The following DCLK2 variants were observed in gnomAD, a reference collection of about 807,000 sequenced individuals.
DCLK2 encodes serine/threonine-protein kinase DCLK2.
In DCLK2, 31 loss-of-function variants were observed where a neutral mutation model predicts 78.4. That is an observed-to-expected ratio of 0.40 (90% CI 0.30 to 0.53). DCLK2 has a LOEUF of 0.53. Among genes scored for constraint, DCLK2 ranks in the 20% least tolerant of loss-of-function variants. The probability of loss-of-function intolerance (pLI) is 0.61; values close to 1 mark genes in which losing one functional copy is unlikely to be tolerated. For synonymous variants in DCLK2, 407 were observed against 374.9 expected, an observed-to-expected ratio of 1.09 and a Z score of -0.99; for missense variants, 872 against 973.7, an observed-to-expected ratio of 0.90 and a Z score of 1.39.
At chr4:150,087,911 C>G (rs538841139) in intron 1 of DCLK2, among the ~76,000 whole-genome samples, 3 of 152,198 alleles carry the variant, frequency 2.0e-5, no homozygotes, top group Non-Finnish European at 4.4e-5. Flanking sequence ...GTTTCTATGA[C>G]CTTCCTTGGA....
chr4:150,143,618 T>G (rs77582731), intron 2 of DCLK2, among the ~76,000 whole-genome samples: 3,463 of 152,326 alleles, frequency 0.023, 49 homozygotes, highest in Admixed American at 0.036. Flanking sequence ...TTTAGTTATT[T>G]GAGATATCTT....
intron 12 of DCLK2, among the ~76,000 whole-genome samples, chr4:150,246,263 T>G (rs547741857): frequency 1.1e-3 from 163 of 152,224 alleles, no homozygotes; most frequent in African/African-American, 3.8e-3. Context: ...GTCAGGCTGG[T>G]CTTGAACTCC....
chr4:150,078,832 G>C lies in DCLK2; in HGVS notation c.-196G>C, dbSNP rs1177739473. 2.0e-5 allele frequency: 12 copies of C among 600,650 alleles called. No individual in the cohort carries two copies. In the African/African-American group the frequency reaches 2.2e-4, roughly 11 times the overall value. 37.2% of individuals were successfully genotyped at this position (600,650 alleles called of 1,614,324 possible). A position where few individuals can be genotyped will look rare whatever the true frequency, so the allele number is the denominator to read the frequency against. On this transcript the variant is annotated 5_prime_UTR_variant, in exon 1 of 16. Transcript: ENST00000296550. ...AATGACCTGGGCAGCTCGGCGCTGCGGACACTTTTAGCTGAGGGCGCGGGC... is the reference window on the plus strand; with the variant it reads ...AATGACCTGGGCAGCTCGGCGCTGCCGACACTTTTAGCTGAGGGCGCGGGC...
chr4:150,221,553 A>G (rs1741190628), intron 6 of DCLK2, 124 bp from the exon 7 acceptor site: 2 of 599,376 alleles, frequency 3.3e-6, no homozygotes, highest in Non-Finnish European at 5.6e-6. Context: ...GTGTGCAGAT[A>G]TTTTATTTAG....
At chr4:150,213,910 C>A (rs1311681523) in intron 5 of DCLK2, among the ~76,000 whole-genome samples, 2 of 152,176 alleles carry the variant, frequency 1.3e-5, no homozygotes, top group South Asian at 2.1e-4. Flanking sequence ...GCTCTGGAGT[C>A]AGCCCTGGGT....
intron 2 of DCLK2, among the ~76,000 whole-genome samples, chr4:150,192,478 C>CAAAA (rs56235708): frequency 0.021 from 2,312 of 111,884 alleles, 107 homozygotes; most frequent in Middle Eastern, 0.049. Context: ...GATTGCGTCT[C>CAAAA]AAAAAAAAAA....
intron 1 of DCLK2, among the ~76,000 whole-genome samples, chr4:150,093,089 G>T (rs1730206185): frequency 6.6e-6 from 1 of 152,014 alleles, no homozygotes; most frequent in Admixed American, 6.6e-5. Flanking sequence ...AAACCTTTAG[G>T]ATACAAAATC....
At chr4:150,165,764 G>C (rs1187539477) in intron 2 of DCLK2, among the ~76,000 whole-genome samples, 1 of 152,208 alleles carries the variant, frequency 6.6e-6, no homozygotes, top group African/African-American at 2.4e-5. Context: ...GTTTGAATGT[G>C]TCCCCCAAAA....
chr4:150,172,723 C>T (rs919249074), intron 2 of DCLK2, among the ~76,000 whole-genome samples: 1 of 141,116 alleles, frequency 7.1e-6, no homozygotes, highest in African/African-American at 2.6e-5. Context: ...ACTAAACATG[C>T]AGTTCTCCTC....
At chr4:150,101,415 G>A (rs983508460) in intron 1 of DCLK2, among the ~76,000 whole-genome samples, 3 of 151,736 alleles carry the variant, frequency 2.0e-5, no homozygotes, top group Non-Finnish European at 4.4e-5. Context: ...GGTTTTTCTC[G>A]GGAATTCTCT....
At chr4:150,253,553 C>G in intron 15 of DCLK2, 1 of 1,289,672 alleles carries the variant, frequency 7.8e-7, no homozygotes, top group Non-Finnish European at 1.0e-6. Context: ...GAAGCAGAAT[C>G]CTGGTATTCA....
At chr4:150,156,372 C>T (rs556946920) in intron 2 of DCLK2, among the ~76,000 whole-genome samples, 63 of 152,050 alleles carry the variant, frequency 4.1e-4, no homozygotes, top group African/African-American at 1.3e-3. Context: ...AGGGGCTGGA[C>T]GTTGTGGCTC....
chr4:150,203,988 A>G lies in DCLK2; in HGVS notation c.1056+99A>G, dbSNP rs1739652287. ...TTTGGGGGCTTGAGTACAGTAGCAAATTAAAAAGATTTTAGGATTTTGAGC... is the reference window on the plus strand; with the variant it reads ...TTTGGGGGCTTGAGTACAGTAGCAAGTTAAAAAGATTTTAGGATTTTGAGC... On this transcript the variant is annotated intron_variant, in intron 5 of 15. Transcript: ENST00000296550. 2.7e-6 allele frequency: 3 copies of G among 1,118,098 alleles called. No homozygotes were observed. In the Admixed American group the frequency reaches 6.9e-5, roughly 26 times the overall value. 69.3% of individuals were successfully genotyped at this position (1,118,098 alleles called of 1,614,324 possible).
intron 5 of DCLK2, among the ~76,000 whole-genome samples, chr4:150,216,670 T>C (rs542472720): frequency 1.6e-4 from 24 of 152,214 alleles, no homozygotes; most frequent in Admixed American, 5.2e-4. Flanking sequence ...AAGAGGATTC[T>C]TGCACATTTC....
intron 1 of DCLK2, among the ~76,000 whole-genome samples, chr4:150,098,888 G>A (rs911854835): frequency 1.3e-5 from 2 of 152,046 alleles, no homozygotes; most frequent in Non-Finnish European, 2.9e-5. Flanking sequence ...CAGAGACGGA[G>A]TTTCACCGTG....
In DCLK2 at chr4:150,249,562, C is replaced by G; in HGVS notation, c.1957-6C>G. The G allele has an allele frequency of 6.2e-7, 1 of 1,611,486 alleles. No homozygotes were observed. The highest frequency in any genetic ancestry group is 8.5e-7 in the Non-Finnish European group (1 of 1,178,012). ...GCATTGTATTTGATTGTTTTCTTTC[C>G]TGTAGGATGATGCCTCCCAGGAGAA... On this transcript the variant is annotated splice_region_variant and splice_polypyrimidine_tract_variant and intron_variant, in intron 14 of 15. Transcript: ENST00000296550.
intron 1 of DCLK2, among the ~76,000 whole-genome samples, chr4:150,093,597 G>A (rs1730250550): frequency 6.6e-6 from 1 of 152,204 alleles, no homozygotes; most frequent in South Asian, 2.1e-4. Context: ...GGCCAGGCTA[G>A]TCTCGAAATC....
At chr4:150,241,020 C>T (rs574592789) in intron 12 of DCLK2, among the ~76,000 whole-genome samples, 14 of 152,208 alleles carry the variant, frequency 9.2e-5, no homozygotes, top group African/African-American at 2.9e-4. Context: ...TGAAGCAGTC[C>T]GAATCCTTCC....
intron 1 of DCLK2, among the ~76,000 whole-genome samples, chr4:150,086,626 C>T (rs935864259): frequency 1.3e-5 from 2 of 152,024 alleles, no homozygotes; most frequent in Non-Finnish European, 2.9e-5. Context: ...CCTGCCTCAG[C>T]CTACCGAGTA....
Sources: allele counts gnomAD v4.1 joint callset (sites outside exome capture counted in the v4.1 genomes callset), GRCh38; gene constraint gnomAD v4.1.1; transcripts MANE v1.5; gene names NCBI Gene and HGNC (gene_info 2026-07-23, HGNC 2026-07-21).